IL1RAPL2: variants seen among roughly 807,000 people sequenced by gnomAD.
The protein encoded by IL1RAPL2 is X-linked interleukin-1 receptor accessory protein-like 2.
A neutral mutation model predicts 44.1 loss-of-function variants in IL1RAPL2; 3 were observed. The observed-to-expected ratio is 0.07, with a 90% CI of 0.03 to 0.18. IL1RAPL2 has a LOEUF of 0.18. Ranked by LOEUF, IL1RAPL2 falls within the 10% of genes least tolerant of loss-of-function variation. IL1RAPL2 has a pLI of 1.00. For missense variants in IL1RAPL2, 391 were observed against 496.4 expected, an observed-to-expected ratio of 0.79 and a Z score of 2.02; for synonymous variants, 181 against 178.8, an observed-to-expected ratio of 1.01 and a Z score of -0.10.
intron 2 of IL1RAPL2, among the ~76,000 whole-genome samples, chrX:105,084,421 A>G (rs1351055849): frequency 8.9e-6 from 1 of 112,904 alleles, no homozygotes; most frequent in Non-Finnish European, 1.9e-5. Context: ...TTTCATTAGC[A>G]TGACCTGGAT....
chrX:104,567,531 A>T (rs73635112), intron 1 of IL1RAPL2, among the ~76,000 whole-genome samples: 3,380 of 112,390 alleles, frequency 0.03, 151 homozygotes, highest in African/African-American at 0.1. Flanking sequence ...CCCACCAAGC[A>T]CTAGGCAGGG....
intron 6 of IL1RAPL2, among the ~76,000 whole-genome samples, chrX:105,700,629 C>T (rs190862164): frequency 5.4e-5 from 6 of 110,892 alleles, no homozygotes; most frequent in Non-Finnish European, 9.5e-5. Flanking sequence ...ACTTCTATGG[C>T]GTTGTTTTTG....
At chrX:105,211,212 C>T (rs2033805415) in intron 3 of IL1RAPL2, among the ~76,000 whole-genome samples, 2 of 111,657 alleles carry the variant, frequency 1.8e-5, no homozygotes, top group Admixed American at 1.9e-4. Flanking sequence ...ACCAGGAAAC[C>T]CTCTGAGCAC....
At chrX:104,947,310 A>T (rs1336823988) in intron 2 of IL1RAPL2, among the ~76,000 whole-genome samples, 2 of 100,141 alleles carry the variant, frequency 2.0e-5, no homozygotes, top group Non-Finnish European at 4.0e-5. Context: ...TAGATTCTGG[A>T]TATTAGCCCT....
intron 5 of IL1RAPL2, among the ~76,000 whole-genome samples, chrX:105,291,058 CA>C (rs2034609066): frequency 9.0e-6 from 1 of 111,425 alleles, no homozygotes; most frequent in African/African-American, 3.3e-5. Flanking sequence ...TGATCAAAAT[CA>C]AAACCATTTC....
At chrX:105,356,577 T>G (rs2035204869) in intron 5 of IL1RAPL2, among the ~76,000 whole-genome samples, 1 of 111,694 alleles carries the variant, frequency 9.0e-6, no homozygotes, top group African/African-American at 3.3e-5. Flanking sequence ...GCACTGGTGA[T>G]ATTTATTTTA....
chrX:104,596,596 A>G (rs918248930), intron 1 of IL1RAPL2, among the ~76,000 whole-genome samples: 2 of 111,228 alleles, frequency 1.8e-5, no homozygotes, highest in Admixed American at 1.9e-4. Flanking sequence ...GACCAAAAAA[A>G]TTGTCCCTGC....
intron 2 of IL1RAPL2, among the ~76,000 whole-genome samples, chrX:104,948,818 G>A (rs1420264903): frequency 1.8e-5 from 2 of 109,759 alleles, no homozygotes; most frequent in East Asian, 5.9e-4. Flanking sequence ...GATTCGGTTT[G>A]CCAGTATTTT....
At chrX:104,980,166 C>T (rs2030411204) in intron 2 of IL1RAPL2, among the ~76,000 whole-genome samples, 1 of 110,924 alleles carries the variant, frequency 9.0e-6, no homozygotes, top group African/African-American at 3.3e-5. Context: ...TAGATAGATG[C>T]TGAGAAGAAT....
At chrX:104,680,592 T>A (rs187960868) in intron 2 of IL1RAPL2, among the ~76,000 whole-genome samples, 1 of 110,983 alleles carries the variant, frequency 9.0e-6, no homozygotes, top group African/African-American at 3.3e-5. Context: ...CTGCAGATTA[T>A]AGGGGAACTA....
chrX:104,582,148 C>T (rs1427658207), intron 1 of IL1RAPL2, among the ~76,000 whole-genome samples: 2 of 112,296 alleles, frequency 1.8e-5, no homozygotes, highest in Non-Finnish European at 3.8e-5. Context: ...GGCACATACA[C>T]TCCGCTGCTA....
At chrX:104,741,360 A>G (rs1932099537) in intron 2 of IL1RAPL2, among the ~76,000 whole-genome samples, 1 of 111,404 alleles carries the variant, frequency 9.0e-6, no homozygotes, top group African/African-American at 3.2e-5. Context: ...ATATAAATCA[A>G]TGGGGAAATG....
At chrX:104,868,980 C>T (rs1360030628) in intron 2 of IL1RAPL2, among the ~76,000 whole-genome samples, 2 of 111,496 alleles carry the variant, frequency 1.8e-5, no homozygotes, top group Non-Finnish European at 3.8e-5. Context: ...ATGTTAATGT[C>T]AAATATTCAT....
chrX:104,661,058 A>C (rs765651507), intron 2 of IL1RAPL2, among the ~76,000 whole-genome samples: 1 of 111,610 alleles, frequency 9.0e-6, no homozygotes, highest in African/African-American at 3.2e-5. Flanking sequence ...TTTGCTTGTT[A>C]AGCGTGAGGC....
At chrX:105,524,512 T>G (rs905821567) in intron 6 of IL1RAPL2, among the ~76,000 whole-genome samples, 1 of 109,570 alleles carries the variant, frequency 9.1e-6, no homozygotes, top group Non-Finnish European at 1.9e-5. Context: ...AAACACATCA[T>G]TTTCAAGCAC....
intron 2 of IL1RAPL2, among the ~76,000 whole-genome samples, chrX:104,898,678 C>A (rs188573315): frequency 8.9e-6 from 1 of 112,110 alleles, no homozygotes; most frequent in African/African-American, 3.2e-5. Flanking sequence ...TTAAAATAGC[C>A]ATTTTTTCCC....
intron 2 of IL1RAPL2, among the ~76,000 whole-genome samples, chrX:104,874,007 C>T (rs1922831756): frequency 1.8e-5 from 2 of 110,906 alleles, no homozygotes; most frequent in Non-Finnish European, 3.8e-5. Context: ...AATGGCAACA[C>T]TCATCTTCTA....
At chrX:104,743,177 CTT>C (rs754008421) in intron 2 of IL1RAPL2, among the ~76,000 whole-genome samples, 1 of 110,643 alleles carries the variant, frequency 9.0e-6, no homozygotes, top group Non-Finnish European at 1.9e-5. Context: ...TGTTTACTCT[CTT>C]TACTCCGAGT....
chrX:105,486,211 A>G (rs2036265266), intron 6 of IL1RAPL2, among the ~76,000 whole-genome samples: 1 of 112,020 alleles, frequency 8.9e-6, no homozygotes, highest in Non-Finnish European at 1.9e-5. Context: ...TCAACTTTTG[A>G]TCTTTATAAT....
Sources: gnomAD v4.1 joint callset for allele counts (sites outside exome capture counted in the v4.1 genomes callset) on GRCh38, gnomAD v4.1.1 for gene constraint, MANE v1.5 for transcripts, NCBI Gene and HGNC (gene_info 2026-07-23, HGNC 2026-07-21) for gene names.